TTC7A: variants seen among roughly 807,000 people sequenced by gnomAD.
The protein encoded by TTC7A is tetratricopeptide repeat protein 7A.
Under a neutral mutation model 103.7 loss-of-function variants are expected in TTC7A, and 110 were observed. The observed-to-expected ratio is 1.06, with a 90% CI of 0.91 to 1.24. TTC7A has a LOEUF of 1.24. Among genes scored for constraint, TTC7A ranks in the 50% most tolerant of loss-of-function variants. The pLI, the probability that TTC7A is intolerant of heterozygous loss-of-function variation, is 0.00. For synonymous variants in TTC7A, 521 were observed against 467.9 expected, an observed-to-expected ratio of 1.11 and a Z score of -1.47; for missense variants, 1,340 against 1,116.3, an observed-to-expected ratio of 1.20 and a Z score of -2.86.
At chr2:47,032,558 G>A (rs2104611425) in intron 15 of TTC7A, among the ~76,000 whole-genome samples, 1 of 152,246 alleles carries the variant, frequency 6.6e-6, no homozygotes, top group South Asian at 2.1e-4. Context: ...GAGGGATTCT[G>A]GAGGTTATTC....
At chr2:47,069,758 T>G (rs933132542) in intron 19 of TTC7A, among the ~76,000 whole-genome samples, 1 of 152,152 alleles carries the variant, frequency 6.6e-6, no homozygotes, top group Non-Finnish European at 1.5e-5. Flanking sequence ...AATGCCAGCC[T>G]CCCTGGAAGG....
chr2:46,990,660 G>C (rs1406505826), intron 5 of TTC7A, among the ~76,000 whole-genome samples: 2 of 152,166 alleles, frequency 1.3e-5, no homozygotes, highest in African/African-American at 2.4e-5. Flanking sequence ...TTCCTAACAG[G>C]ACTATGAGGA....
chr2:47,051,601 A>G lies in TTC7A; in HGVS notation c.2018-145A>G, dbSNP rs1682860469. ...GTGGGCCCTCCCTAGTGGGTCTGTG[A>G]GCTGCTTTCTGGCTGCCCAGCCGCA... is the stretch of plus-strand genomic sequence containing the variant. On this transcript the variant is annotated intron_variant, in intron 17 of 19. Coordinates refer to ENST00000319190, the MANE Select transcript of TTC7A (RefSeq NM_020458.4). 6.8e-6 allele frequency: 7 copies of G among 1,036,862 alleles called. No homozygotes were observed. In the East Asian group the frequency reaches 1.8e-4, roughly 27 times the overall value. 64.2% of individuals were successfully genotyped at this position (1,036,862 alleles called of 1,614,324 possible). A position where few individuals can be genotyped will look rare whatever the true frequency, so the allele number is the denominator to read the frequency against.
At chr2:47,047,308 C>A in intron 16 of TTC7A, 1 of 1,549,780 alleles carries the variant, frequency 6.5e-7, no homozygotes, top group East Asian at 2.4e-5. Flanking sequence ...CCCAGAGGAA[C>A]ATCTGTAACA....
intron 3 of TTC7A, among the ~76,000 whole-genome samples, chr2:46,968,452 C>T (rs1673048424): frequency 6.6e-6 from 1 of 152,160 alleles, no homozygotes; most frequent in Non-Finnish European, 1.5e-5. Flanking sequence ...AAAAGAAACC[C>T]AAGCCTGCAG....
At chr2:46,993,718 G>A (rs932909128) in intron 6 of TTC7A, among the ~76,000 whole-genome samples, 190 bp downstream of exon 6, 1 of 152,076 alleles carries the variant, frequency 6.6e-6, no homozygotes, top group Non-Finnish European at 1.5e-5. Context: ...TTCCCCCCGC[G>A]GCATTGCAGA....
intron 2 of TTC7A, chr2:46,951,517 C>G: frequency 2.2e-6 from 1 of 450,882 alleles, no homozygotes; most frequent in South Asian, 1.6e-5. Flanking sequence ...GAAGTGATCC[C>G]TCCCTCCCTC....
intron 14 of TTC7A, among the ~76,000 whole-genome samples, chr2:47,025,775 T>TC (rs1164162162): frequency 6.6e-6 from 1 of 151,980 alleles, no homozygotes; most frequent in African/African-American, 2.4e-5. Context: ...TGTGACTCCC[T>TC]CCATCCTCCT....
chr2:46,989,920 C>T (rs1675442911), intron 5 of TTC7A, among the ~76,000 whole-genome samples: 3 of 151,976 alleles, frequency 2.0e-5, no homozygotes, highest in South Asian at 4.1e-4. Context: ...GGTCCAAGAG[C>T]GTTGATGATG....
In TTC7A at chr2:46,985,107, T is replaced by C. The variant is rs541673500; in HGVS notation, c.764+6200T>C. On this transcript the variant is annotated intron_variant, in intron 5 of 19. Coordinates refer to ENST00000319190, the MANE Select transcript of TTC7A (RefSeq NM_020458.4). ...GGTCAGTGGGTATGCAGTGCTGCAG[T>C]GGGTGGAGGTGTTGACTGACCGTCA... is the stretch of plus-strand genomic sequence containing the variant. Among the ~76,000 whole-genome samples, 21 of 152,276 alleles carry C rather than the reference T, an allele frequency of 1.4e-4. 1 individual carries two copies. The highest frequency in any genetic ancestry group is 4.8e-4 in the African/African-American group (20 of 41,548).
At chr2:47,018,659 AT>A (rs1180797410) in intron 11 of TTC7A, among the ~76,000 whole-genome samples, 16 of 151,794 alleles carry the variant, frequency 1.1e-4, no homozygotes, top group Non-Finnish European at 5.9e-5. Context: ...CATATATGAA[AT>A]ATACAGTTAT....
Position 47,060,416 on chromosome 2 carries a change from A to T in TTC7A, c.2153-353A>T, listed in dbSNP as rs1321994125. 2.6e-5 allele frequency among the ~76,000 whole-genome samples: 4 copies of T among 152,166 alleles called. No homozygotes were observed. The East Asian group carries it at 7.7e-4, about 29-fold the overall frequency. ...TTTAAAAAAAAGGCTGCAGTGAGCCATGGTCATACCAGTGCACTCCAGCCT... is the reference window on the plus strand; with the variant it reads ...TTTAAAAAAAAGGCTGCAGTGAGCCTTGGTCATACCAGTGCACTCCAGCCT... On this transcript the variant is annotated intron_variant, in intron 18 of 19. Transcript: ENST00000319190.
intron 15 of TTC7A, among the ~76,000 whole-genome samples, chr2:47,046,108 A>T (rs1157646376): frequency 6.6e-6 from 1 of 152,256 alleles, no homozygotes; most frequent in East Asian, 1.9e-4. Context: ...GGAGTGCTTC[A>T]TGCTTTGGCA....
intron 17 of TTC7A, among the ~76,000 whole-genome samples, chr2:47,051,519 C>A (rs998135376): frequency 1.3e-5 from 2 of 152,194 alleles, no homozygotes; most frequent in African/African-American, 4.8e-5. Flanking sequence ...CTAGTGGGAT[C>A]TCTGCCTGAT....
intron 3 of TTC7A, among the ~76,000 whole-genome samples, chr2:46,964,458 G>A (rs1391632409): frequency 1.3e-5 from 2 of 152,120 alleles, no homozygotes; most frequent in African/African-American, 2.4e-5. Flanking sequence ...TCTTCACTGG[G>A]GTTTCTAGAT....
chr2:47,030,126 C>A (rs987210202), intron 15 of TTC7A, among the ~76,000 whole-genome samples: 1 of 152,204 alleles, frequency 6.6e-6, no homozygotes, highest in African/African-American at 2.4e-5. Flanking sequence ...AGATGAGGGA[C>A]CCCTAAGTAA....
At chr2:46,968,552 T>C (rs868266811) in intron 3 of TTC7A, among the ~76,000 whole-genome samples, 15 of 152,200 alleles carry the variant, frequency 9.9e-5, no homozygotes, top group Non-Finnish European at 2.1e-4. Context: ...GGCCCCTTTT[T>C]ATGGGCAGAA....
At chr2:46,988,759 G>A (rs1675302202) in intron 5 of TTC7A, among the ~76,000 whole-genome samples, 1 of 152,214 alleles carries the variant, frequency 6.6e-6, no homozygotes, top group South Asian at 2.1e-4. Flanking sequence ...AAAAGAAAAT[G>A]TAACCATGCT....
chr2:47,068,862 CAAA>C (rs201835431), intron 19 of TTC7A, among the ~76,000 whole-genome samples: 2 of 69,800 alleles, frequency 2.9e-5, no homozygotes, highest in Non-Finnish European at 4.2e-5. Flanking sequence ...TCAATTTTTT[CAAA>C]AAAAAAAAAA....
Sources: allele counts gnomAD v4.1 joint callset (sites outside exome capture counted in the v4.1 genomes callset), GRCh38; gene constraint gnomAD v4.1.1; transcripts MANE v1.5; gene names NCBI Gene and HGNC (gene_info 2026-07-23, HGNC 2026-07-21).